The following SHISAL2B variants were observed in gnomAD, a reference collection of about 807,000 sequenced individuals.
The protein encoded by SHISAL2B is shisa like 2B.
Under a neutral mutation model 16.5 loss-of-function variants are expected in SHISAL2B, and 12 were observed. The observed-to-expected ratio is 0.73, with a 90% CI of 0.47 to 1.18. The LOEUF (loss-of-function observed/expected upper bound fraction) is 1.18, where lower values mean the gene tolerates loss of function less well. Among genes scored for constraint, SHISAL2B ranks in the 50% most tolerant of loss-of-function variants. The probability of loss-of-function intolerance (pLI) is 0.00; values close to 1 mark genes in which losing one functional copy is unlikely to be tolerated. For synonymous variants in SHISAL2B, 72 were observed against 75.0 expected (o/e 0.96, Z 0.21); for missense variants, 183 against 193.6 (o/e 0.95, Z 0.33).
chr5:64,709,215 G>A (rs529655884), intron 2 of SHISAL2B, among the ~76,000 whole-genome samples: 33 of 126,986 alleles, frequency 2.6e-4, no homozygotes, highest in African/African-American at 9.1e-4. Context: ...AGTCACCAGA[G>A]TGTGATATTC....
intron 1 of SHISAL2B, among the ~76,000 whole-genome samples, chr5:64,692,309 C>T (rs1741662539): frequency 1.3e-5 from 2 of 152,148 alleles, no homozygotes; most frequent in Non-Finnish European, 2.9e-5. Flanking sequence ...TCCAAAGTGA[C>T]AAGCAATAGA....
chr5:64,704,090 C>T (rs1413349742), intron 2 of SHISAL2B, among the ~76,000 whole-genome samples: 1 of 151,648 alleles, frequency 6.6e-6, no homozygotes, highest in Non-Finnish European at 1.5e-5. Context: ...TAAGGTGACT[C>T]AGCTAGGTTA....
In SHISAL2B at chr5:64,695,618, C is replaced by A. The variant is rs1741721886; in HGVS notation, c.303C>A (p.Asp101Glu). ...TGTATACGAAACCTCAAAGATTAGA[C>A]ACTGGCCTTAAGCTTCAACACTTAG... The part of the protein sequence containing the change: ...LFLYTKPQRL[D>E]TGLKLQHLEA... Residue 101 changes from aspartate (D) to glutamate (E), a missense_variant, in exon 2 of 3, where the codon GAC becomes GAA. Transcript: ENST00000389074. 1 of 1,536,354 alleles carries A rather than the reference C, an allele frequency of 6.5e-7. No homozygotes were observed. The highest frequency in any genetic ancestry group is 2.0e-5 in the Admixed American group (1 of 50,842).
intron 2 of SHISAL2B, among the ~76,000 whole-genome samples, chr5:64,712,571 T>C (rs992037534): frequency 6.6e-6 from 1 of 151,124 alleles, no homozygotes; most frequent in African/African-American, 2.4e-5. Context: ...GGTGCAGAGC[T>C]GAGTTCAATT....
intron 2 of SHISAL2B, among the ~76,000 whole-genome samples, chr5:64,703,343 G>A (rs563122083): frequency 7.9e-5 from 12 of 152,216 alleles, no homozygotes; most frequent in Non-Finnish European, 1.3e-4. Context: ...GGCATAAAAG[G>A]CCACCTGTGT....
At chr5:64,692,631 A>T (rs1463627985) in intron 1 of SHISAL2B, among the ~76,000 whole-genome samples, 1 of 152,202 alleles carries the variant, frequency 6.6e-6, no homozygotes, top group Admixed American at 6.5e-5. Flanking sequence ...TAGTGGCAGG[A>T]GAAAGGCACA....
rs1742061192 is a variant in SHISAL2B, at chr5:64,716,707, T to C, written c.350-1182T>C. 2.0e-5 allele frequency among the ~76,000 whole-genome samples: 3 copies of C among 152,256 alleles called. No homozygotes were observed. The South Asian group carries it at 6.2e-4, about 32-fold the overall frequency. ...GAGTGAATAATCAGTGCAAAAGTCC[T>C]AAGGGCTGGAACATGCCTGAAATGT... On this transcript the variant is annotated intron_variant, in intron 2 of 2. Coordinates refer to ENST00000389074, the MANE Select transcript of SHISAL2B (RefSeq NM_001164442.2).
intron 1 of SHISAL2B, among the ~76,000 whole-genome samples, chr5:64,693,853 A>G (rs1580517711): frequency 6.6e-6 from 1 of 152,198 alleles, no homozygotes; most frequent in Non-Finnish European, 1.5e-5. Context: ...ACTCATCTAC[A>G]GGGCTAGTGG....
At chr5:64,700,281 G>T (rs1368697313) in intron 2 of SHISAL2B, among the ~76,000 whole-genome samples, 1 of 152,166 alleles carries the variant, frequency 6.6e-6, no homozygotes, top group Non-Finnish European at 1.5e-5. Flanking sequence ...AATGTATACA[G>T]TTGTCCCTCA....
intron 2 of SHISAL2B, among the ~76,000 whole-genome samples, chr5:64,716,047 A>C (rs1220419775): frequency 6.6e-6 from 1 of 152,202 alleles, no homozygotes; most frequent in African/African-American, 2.4e-5. Flanking sequence ...ACCGTTGACC[A>C]AGAAAAATTA....
chr5:64,716,448 T>C (rs1365317793), intron 2 of SHISAL2B, among the ~76,000 whole-genome samples: 2 of 152,142 alleles, frequency 1.3e-5, no homozygotes, highest in African/African-American at 4.8e-5. Context: ...ACTTAAATTT[T>C]AGTGAGAGGA....
chr5:64,708,554 ACAAT>A (rs1554063233), intron 2 of SHISAL2B, among the ~76,000 whole-genome samples: 4 of 152,196 alleles, frequency 2.6e-5, no homozygotes, highest in Non-Finnish European at 5.9e-5. Context: ...AATCTTAAAA[ACAAT>A]CCATACAATG....
At chr5:64,694,206 C>T (rs578138410) in intron 1 of SHISAL2B, 135 of 398,660 alleles carry the variant, frequency 3.4e-4, no homozygotes, top group South Asian at 2.4e-3. Flanking sequence ...ACAGGTAGAT[C>T]AATTGGCAGT....
At chr5:64,695,771 GT>G (rs1337931339) in intron 2 of SHISAL2B, 107 bp downstream of exon 2, 5 of 804,848 alleles carry the variant, frequency 6.2e-6, no homozygotes, top group Non-Finnish European at 8.8e-6. Flanking sequence ...TAAAAATTCA[GT>G]TCACTATGTG....
intron 2 of SHISAL2B, among the ~76,000 whole-genome samples, chr5:64,697,911 G>T (rs1741761533): frequency 6.6e-6 from 1 of 152,144 alleles, no homozygotes; most frequent in African/African-American, 2.4e-5. Flanking sequence ...TTCCTTCTCT[G>T]TAGAGGAGAT....
intron 2 of SHISAL2B, among the ~76,000 whole-genome samples, chr5:64,704,823 T>G (rs1323376676): frequency 6.6e-6 from 1 of 152,102 alleles, no homozygotes; most frequent in African/African-American, 2.4e-5. Flanking sequence ...TCTTTTAAAA[T>G]TATCCCAGAG....
In SHISAL2B at chr5:64,708,604, T is replaced by G. The variant is rs571050761; in HGVS notation, c.350-9285T>G. Among the ~76,000 whole-genome samples, 3 of 152,326 alleles carry G rather than the reference T, an allele frequency of 2.0e-5. No individual in the cohort carries two copies. In the South Asian group the frequency reaches 6.2e-4, roughly 32 times the overall value. On this transcript the variant is annotated intron_variant, in intron 2 of 2. Coordinates refer to ENST00000389074, the MANE Select transcript of SHISAL2B (RefSeq NM_001164442.2). The stretch of plus-strand genomic sequence containing the variant: ...TAATCATCTTGACAATAAGATATAA[T>G]TTCCATAAACCTTGTATATTATTTG...
intron 2 of SHISAL2B, among the ~76,000 whole-genome samples, chr5:64,710,046 TC>T (rs1328094136): frequency 4.0e-5 from 6 of 149,120 alleles, no homozygotes; most frequent in Non-Finnish European, 8.9e-5. Flanking sequence ...TTTAATGAGA[TC>T]CCATTTGTCA....
intron 2 of SHISAL2B, among the ~76,000 whole-genome samples, chr5:64,716,424 T>G (rs74641690): frequency 0.062 from 9,502 of 152,254 alleles, 572 homozygotes; most frequent in East Asian, 0.31. Flanking sequence ...GTCAAAAGTT[T>G]CTTGGAATGT....
Sources: gnomAD v4.1 joint callset for allele counts (sites outside exome capture counted in the v4.1 genomes callset) on GRCh38, gnomAD v4.1.1 for gene constraint, MANE v1.5 for transcripts, NCBI Gene and HGNC (gene_info 2026-07-23, HGNC 2026-07-21) for gene names.